PTPRM: variants seen among roughly 807,000 people sequenced by gnomAD.
PTPRM encodes the protein protein tyrosine phosphatase receptor type M.
PTPRM carries 47 observed loss-of-function variants against 186.7 expected under a neutral mutation model. The ratio of observed to expected loss-of-function variants is 0.25; its 90% CI spans 0.20 to 0.32. The LOEUF (loss-of-function observed/expected upper bound fraction) is 0.32, where lower values mean the gene tolerates loss of function less well. Ranked by LOEUF, PTPRM falls within the 10% of genes least tolerant of loss-of-function variation. PTPRM has a pLI of 1.00. For missense variants in PTPRM, 1,494 were observed against 1,865.0 expected (o/e 0.80, Z 3.66); for synonymous variants, 668 against 674.9 (o/e 0.99, Z 0.16).
At chr18:8,249,460 T>G (rs2094507553) in intron 17 of PTPRM, among the ~76,000 whole-genome samples, 1 of 152,172 alleles carries the variant, frequency 6.6e-6, no homozygotes, top group Admixed American at 6.5e-5. Flanking sequence ...ATTTTATTCT[T>G]TTCATAAGTG....
At chr18:7,849,921 TA>T (rs2046783875) in intron 2 of PTPRM, among the ~76,000 whole-genome samples, 7 of 152,222 alleles carry the variant, frequency 4.6e-5, no homozygotes, top group African/African-American at 1.4e-4. Flanking sequence ...GTAATCATAA[TA>T]GTTTGCTAAC....
chr18:8,340,289 A>G (rs1038446166), intron 22 of PTPRM, among the ~76,000 whole-genome samples: 2 of 152,156 alleles, frequency 1.3e-5, no homozygotes, highest in Non-Finnish European at 2.9e-5. Flanking sequence ...TTTGTGTTCA[A>G]TTTCATTTTT....
At chr18:8,324,907 A>C (rs539780306) in intron 22 of PTPRM, among the ~76,000 whole-genome samples, 104 of 152,288 alleles carry the variant, frequency 6.8e-4, no homozygotes, top group Non-Finnish European at 1.4e-3. Context: ...ACTTTAACTC[A>C]TGTATGTATC....
At chr18:7,582,260 T>C (rs1244314341) in intron 1 of PTPRM, among the ~76,000 whole-genome samples, 2 of 152,186 alleles carry the variant, frequency 1.3e-5, no homozygotes, top group Admixed American at 1.3e-4. Context: ...GTATACTTTG[T>C]GTATATGTGT....
intron 7 of PTPRM, among the ~76,000 whole-genome samples, chr18:8,041,977 G>A (rs1012204459): frequency 6.6e-6 from 1 of 152,172 alleles, no homozygotes; most frequent in African/African-American, 2.4e-5. Context: ...TGATGGCTAA[G>A]TAGATTTGGA....
chr18:7,685,413 G>A (rs1002604879), intron 1 of PTPRM, among the ~76,000 whole-genome samples: 18 of 152,272 alleles, frequency 1.2e-4, no homozygotes, highest in African/African-American at 3.6e-4. Context: ...GATAGTAAAC[G>A]TATTAGAAAA....
intron 2 of PTPRM, among the ~76,000 whole-genome samples, chr18:7,795,359 A>G (rs932641846): frequency 1.3e-5 from 2 of 152,144 alleles, no homozygotes; most frequent in Non-Finnish European, 2.9e-5. Flanking sequence ...GGAGATTTTT[A>G]AACCTCTAAG....
At chr18:7,915,320 C>T (rs1011636274) in intron 4 of PTPRM, among the ~76,000 whole-genome samples, 2 of 151,988 alleles carry the variant, frequency 1.3e-5, no homozygotes, top group African/African-American at 4.8e-5. Context: ...AAAGGGTATC[C>T]AGGAGACAAG....
chr18:7,984,310 A>T (rs1436477956), intron 7 of PTPRM, among the ~76,000 whole-genome samples: 1 of 151,888 alleles, frequency 6.6e-6, no homozygotes, highest in African/African-American at 2.4e-5. Context: ...TCATTTTCCA[A>T]GTCAGGAAGC....
intron 7 of PTPRM, among the ~76,000 whole-genome samples, chr18:7,997,715 G>C (rs2083622410): frequency 6.6e-6 from 1 of 152,134 alleles, no homozygotes; most frequent in Admixed American, 6.6e-5. Flanking sequence ...AAATGAGCCA[G>C]TGACCTAAGT....
chr18:7,595,908 G>A (rs1219383370), intron 1 of PTPRM, among the ~76,000 whole-genome samples: 1 of 152,106 alleles, frequency 6.6e-6, no homozygotes, highest in East Asian at 1.9e-4. Flanking sequence ...CAGAAACATT[G>A]TACCCATTTA....
chr18:8,391,791 G>A (rs1009376842), intron 31 of PTPRM, among the ~76,000 whole-genome samples: 2 of 152,160 alleles, frequency 1.3e-5, no homozygotes, highest in Non-Finnish European at 2.9e-5. Flanking sequence ...GCTGATATCC[G>A]AACACGATGA....
intron 1 of PTPRM, among the ~76,000 whole-genome samples, chr18:7,607,690 G>T (rs1020900170): frequency 1.3e-5 from 2 of 152,206 alleles, no homozygotes; most frequent in South Asian, 2.1e-4. Context: ...GGGTTGTGAG[G>T]CCCTCTCTGT....
intron 1 of PTPRM, among the ~76,000 whole-genome samples, chr18:7,657,792 G>A (rs1261955402): frequency 6.6e-6 from 1 of 152,156 alleles, no homozygotes; most frequent in Non-Finnish European, 1.5e-5. Flanking sequence ...GCTTGCACTT[G>A]CCTTGTTTAT....
intron 7 of PTPRM, among the ~76,000 whole-genome samples, chr18:8,013,247 C>CAATCTGT (rs2084649879): frequency 6.6e-6 from 1 of 151,844 alleles, no homozygotes; most frequent in African/African-American, 2.4e-5. Flanking sequence ...TATTATGAAC[C>CAATCTGT]AATCTGTTTT....
Position 8,247,920 on chromosome 18 carries a change from G to A in PTPRM, c.2527+1G>A, listed in dbSNP as rs958050988. 1 of 1,581,270 alleles carries A rather than the reference G, an allele frequency of 6.3e-7. No individual in the cohort carries two copies. Among genetic ancestry groups the A allele is most frequent in the Non-Finnish European group, 8.7e-7 (1 of 1,150,082 alleles). On this transcript the variant is annotated splice_donor_variant, in intron 16 of 32. Transcript: ENST00000580170. LOFTEE classifies it high-confidence loss of function. ...TCGGTGCCTAATTCCTATTACCCAGGTAACAGTTTTTTCCATTGTCTCCTC... is the reference window on the plus strand; with the variant it reads ...TCGGTGCCTAATTCCTATTACCCAGATAACAGTTTTTTCCATTGTCTCCTC...
intron 1 of PTPRM, among the ~76,000 whole-genome samples, chr18:7,664,058 A>T (rs543750173): frequency 3.5e-4 from 53 of 151,536 alleles, no homozygotes; most frequent in South Asian, 2.7e-3. Flanking sequence ...AGATTGGGAA[A>T]GGGTAAGGGC....
chr18:8,310,768 G>T (rs2095262019), intron 20 of PTPRM, among the ~76,000 whole-genome samples: 1 of 152,070 alleles, frequency 6.6e-6, no homozygotes, highest in African/African-American at 2.4e-5. Context: ...ATGAACTCAA[G>T]CACCGTAAAT....
chr18:7,811,579 T>A (rs2044520190), intron 2 of PTPRM, among the ~76,000 whole-genome samples: 2 of 152,162 alleles, frequency 1.3e-5, no homozygotes, highest in South Asian at 4.1e-4. Context: ...TTGCCTAAGC[T>A]GGTCCAAACT....
Sources: allele counts gnomAD v4.1 joint callset (sites outside exome capture counted in the v4.1 genomes callset), GRCh38; gene constraint gnomAD v4.1.1; transcripts MANE v1.5; gene names NCBI Gene and HGNC (gene_info 2026-07-23, HGNC 2026-07-21).